The following ANKRD44 variants were observed in gnomAD, a reference collection of about 807,000 sequenced individuals.
ANKRD44 encodes the protein ankyrin repeat domain 44, also known as serine/threonine-protein phosphatase 6 regulatory ankyrin repeat subunit B.
A neutral mutation model predicts 116.0 loss-of-function variants in ANKRD44; 35 were observed. The ratio of observed to expected loss-of-function variants is 0.30; its 90% CI spans 0.23 to 0.40. The LOEUF is 0.40. Among genes scored for constraint, ANKRD44 ranks in the 10% least tolerant of loss-of-function variants. The pLI is 1.00. For synonymous variants in ANKRD44, 435 were observed against 461.8 expected, an observed-to-expected ratio of 0.94 and a Z score of 0.74; for missense variants, 1,014 against 1,242.6, an observed-to-expected ratio of 0.82 and a Z score of 2.77.
chr2:197,116,560 A>G (rs990695579), intron 8 of ANKRD44, among the ~76,000 whole-genome samples: 1 of 151,760 alleles, frequency 6.6e-6, no homozygotes, highest in African/African-American at 2.4e-5. Flanking sequence ...TCTGCTTTCC[A>G]TCTTCATGAA....
At chr2:196,999,755 G>T (rs193186398) in intron 23 of ANKRD44, among the ~76,000 whole-genome samples, 3 of 151,724 alleles carry the variant, frequency 2.0e-5, no homozygotes, top group Non-Finnish European at 4.4e-5. Context: ...CACCACACCC[G>T]GCTAATTTTT....
rs566733229 is a variant in ANKRD44 at position 197,305,547 on chromosome 2, T to C, written c.27+5031A>G. Reference sequence around the variant, plus strand: ...TCTGGTACAAACAATTTGTGCCTTTTTGAGTTCGTATTTGCTCTCTGTTTA... The same window carrying C: ...TCTGGTACAAACAATTTGTGCCTTTCTGAGTTCGTATTTGCTCTCTGTTTA... On this transcript the variant is annotated intron_variant, in intron 1 of 27. Transcript: ENST00000282272. Among the ~76,000 whole-genome samples the C allele has an allele frequency of 2.0e-5, 3 of 152,348 alleles. No homozygotes were observed. In the East Asian group the frequency reaches 5.8e-4, roughly 29 times the overall value.
chr2:197,090,487 CT>C (rs1434576166), intron 10 of ANKRD44, among the ~76,000 whole-genome samples: 1 of 145,930 alleles, frequency 6.9e-6, no homozygotes, highest in Non-Finnish European at 1.5e-5. Context: ...TCTTTTTTTT[CT>C]TTTCACTTTT....
chr2:197,056,858 A>G (rs1386106398), intron 16 of ANKRD44, among the ~76,000 whole-genome samples: 1 of 152,212 alleles, frequency 6.6e-6, no homozygotes, highest in Non-Finnish European at 1.5e-5. Flanking sequence ...TGCATATTAA[A>G]TTAACCTACC....
chr2:197,198,960 G>A (rs922632824), intron 1 of ANKRD44: 1 of 152,290 alleles, frequency 6.6e-6, no homozygotes. Flanking sequence ...ATCGGCGGAG[G>A]AGCACCGGAA....
At chr2:197,188,324 C>T (rs1004024323) in intron 1 of ANKRD44, among the ~76,000 whole-genome samples, 2 of 152,046 alleles carry the variant, frequency 1.3e-5, no homozygotes, top group African/African-American at 2.4e-5. Context: ...AAGGAAGGCA[C>T]CTTAATGAAT....
At chr2:197,064,536 G>T (rs1360815971) in intron 16 of ANKRD44, among the ~76,000 whole-genome samples, 2 of 152,078 alleles carry the variant, frequency 1.3e-5, no homozygotes, top group African/African-American at 4.8e-5. Flanking sequence ...GATCCATCAG[G>T]GTGCTGTATT....
intron 3 of ANKRD44, among the ~76,000 whole-genome samples, chr2:197,138,744 T>C (rs2079282731): frequency 6.6e-6 from 1 of 152,216 alleles, no homozygotes; most frequent in Non-Finnish European, 1.5e-5. Context: ...TGCACATGTA[T>C]TTCTTATTTT....
intron 16 of ANKRD44, among the ~76,000 whole-genome samples, chr2:197,071,190 T>C (rs1287826290): frequency 6.6e-6 from 1 of 152,172 alleles, no homozygotes; most frequent in East Asian, 1.9e-4. Context: ...TCTTCACTGG[T>C]TTTCAATTTC....
intron 1 of ANKRD44, among the ~76,000 whole-genome samples, chr2:197,223,571 T>C (rs2125737166): frequency 6.6e-6 from 1 of 152,348 alleles, no homozygotes; most frequent in South Asian, 2.1e-4. Flanking sequence ...TCCTTTTTGT[T>C]TGTTTCCATG....
At chr2:196,982,154 G>T (rs1265206236), downstream of ANKRD44, among the ~76,000 whole-genome samples, 2 of 102,846 alleles carry the variant, frequency 1.9e-5, no homozygotes. Context: ...CTAAGCAAGA[G>T]GATTTTATTT....
chr2:197,219,076 T>C (rs1257583976), intron 1 of ANKRD44, among the ~76,000 whole-genome samples: 3 of 148,702 alleles, frequency 2.0e-5, no homozygotes, highest in Admixed American at 2.0e-4. Context: ...GTTCCTTTTT[T>C]TTTTTTTTTT....
rs563373749 is a variant in ANKRD44, at chr2:197,284,814, A to T, written c.27+25764T>A. On this transcript the variant is annotated intron_variant, in intron 1 of 27. Coordinates refer to ENST00000282272, the MANE Select transcript of ANKRD44 (RefSeq NM_001195144.2). Reference sequence around the variant, plus strand: ...GGCACAAGAATTGCCTTAACCCGGGAGGCAGAGGTTACAGTGGGCCGAGAT... The same window carrying T: ...GGCACAAGAATTGCCTTAACCCGGGTGGCAGAGGTTACAGTGGGCCGAGAT... 8.0e-4 allele frequency among the ~76,000 whole-genome samples: 121 copies of T among 151,516 alleles called. 1 individual carries two copies. The highest frequency in any genetic ancestry group is 1.7e-3 in the South Asian group (8 of 4,762).
rs190364780 is a variant in ANKRD44, at chr2:197,126,929, A to G, written c.262-892T>C. ...GAGCTCAGGAGTTTGACGTGATCAC[A>G]ATGAGCTGTGATCATGACACTGCAC... is the stretch of plus-strand genomic sequence containing the variant. On this transcript the variant is annotated intron_variant, in intron 4 of 27. Coordinates refer to ENST00000282272, the MANE Select transcript of ANKRD44 (RefSeq NM_001195144.2). 3.5e-3 allele frequency among the ~76,000 whole-genome samples: 529 copies of G among 152,160 alleles called. 2 individuals carry two copies. Among genetic ancestry groups the G allele is most frequent in the African/African-American group, 0.012 (489 of 41,516 alleles).
intron 21 of ANKRD44, among the ~76,000 whole-genome samples, chr2:196,968,687 C>T (rs1559387266): frequency 6.6e-6 from 1 of 152,204 alleles, no homozygotes; most frequent in Non-Finnish European, 1.5e-5. Context: ...ACATGGACAT[C>T]ATCCTTTGGA....
chr2:197,060,832 C>T (rs2077296538), intron 16 of ANKRD44, among the ~76,000 whole-genome samples: 1 of 152,080 alleles, frequency 6.6e-6, no homozygotes, highest in South Asian at 2.1e-4. Flanking sequence ...CCAGGTCGTA[C>T]ATGTTGTTAT....
intron 16 of ANKRD44, among the ~76,000 whole-genome samples, chr2:197,054,490 A>T (rs1482205187): frequency 1.3e-5 from 2 of 152,254 alleles, no homozygotes; most frequent in East Asian, 3.8e-4. Flanking sequence ...ATTAAAGTCT[A>T]TATAGTTAAA....
intron 1 of ANKRD44, among the ~76,000 whole-genome samples, chr2:197,282,773 A>G (rs946762268): frequency 6.6e-6 from 1 of 152,222 alleles, no homozygotes; most frequent in Non-Finnish European, 1.5e-5. Flanking sequence ...AGCCTGGCCA[A>G]CATGGCGAAA....
At chr2:197,082,335 T>A (rs1305806095) in intron 14 of ANKRD44, among the ~76,000 whole-genome samples, 2 of 152,168 alleles carry the variant, frequency 1.3e-5, no homozygotes, top group Non-Finnish European at 2.9e-5. Context: ...ACATCTGATA[T>A]TATTATTTTG....
Sources: allele counts gnomAD v4.1 joint callset (sites outside exome capture counted in the v4.1 genomes callset), GRCh38; gene constraint gnomAD v4.1.1; transcripts MANE v1.5; gene names NCBI Gene and HGNC (gene_info 2026-07-23, HGNC 2026-07-21).